Variants in CNTNAP2 observed in about 807,000 individuals in gnomAD.
CNTNAP2 encodes contactin-associated protein-like 2.
Under a neutral mutation model 155.2 loss-of-function variants are expected in CNTNAP2, and 98 were observed. The observed-to-expected ratio is 0.63, with a 90% CI of 0.54 to 0.75. CNTNAP2 has a LOEUF of 0.75. Ranked by LOEUF, CNTNAP2 falls within the 30% of genes least tolerant of loss-of-function variation. CNTNAP2 has a pLI of 0.00. For missense variants in CNTNAP2, 1,727 were observed against 1,688.1 expected, an observed-to-expected ratio of 1.02 and a Z score of -0.40; for synonymous variants, 651 against 631.2, an observed-to-expected ratio of 1.03 and a Z score of -0.47.
chr7:146,214,058 G>A (rs1029452493), intron 1 of CNTNAP2, among the ~76,000 whole-genome samples: 5 of 152,146 alleles, frequency 3.3e-5, no homozygotes, highest in African/African-American at 1.2e-4. Flanking sequence ...TACACCTCAA[G>A]GCTACATTTG....
chr7:146,968,803 T>A (rs1797715960), intron 3 of CNTNAP2, among the ~76,000 whole-genome samples: 1 of 150,690 alleles, frequency 6.6e-6, no homozygotes, highest in East Asian at 1.9e-4. Flanking sequence ...TTTGTGTCTC[T>A]ATTTCCTTCA....
At chr7:147,240,831 G>T (rs533731800) in intron 8 of CNTNAP2, among the ~76,000 whole-genome samples, 1 of 152,224 alleles carries the variant, frequency 6.6e-6, no homozygotes, top group Admixed American at 6.5e-5. Flanking sequence ...GTGTCGAAGG[G>T]CATTATTTCT....
chr7:147,708,437 C>T (rs1485267437), intron 13 of CNTNAP2, among the ~76,000 whole-genome samples: 1 of 152,116 alleles, frequency 6.6e-6, no homozygotes, highest in Admixed American at 6.6e-5. Flanking sequence ...TACCGTTGGA[C>T]CTCCCAGGCA....
rs148124449 is a variant in CNTNAP2, at chr7:148,075,142, T to C, written c.2384-42976T>C. On this transcript the variant is annotated intron_variant, in intron 15 of 23. Transcript: ENST00000361727. ...TATTTGATTACTTGATGTTTCAGTA[T>C]AAAAAAAAATTAGGTCAGGTGTGGT... Among the ~76,000 whole-genome samples, 1,038 of 151,734 alleles carry C rather than the reference T, an allele frequency of 6.8e-3. 6 individuals are homozygous for C. Among genetic ancestry groups the C allele is most frequent in the South Asian group, 0.013 (61 of 4,800 alleles).
chr7:147,516,941 G>C (rs768573187), intron 11 of CNTNAP2, among the ~76,000 whole-genome samples: 2 of 147,446 alleles, frequency 1.4e-5, no homozygotes, highest in Non-Finnish European at 3.0e-5. Context: ...GGCTCACTGC[G>C]ACCACTGCCT....
At chr7:146,897,681 T>C (rs2129212878) in intron 3 of CNTNAP2, among the ~76,000 whole-genome samples, 1 of 152,162 alleles carries the variant, frequency 6.6e-6, no homozygotes, top group South Asian at 2.1e-4. Context: ...CCTTTCTTAG[T>C]ACACATCAGT....
At chr7:147,894,256 T>G (rs868229514) in intron 13 of CNTNAP2, 5 of 152,198 alleles carry the variant, frequency 3.3e-5, no homozygotes, top group Middle Eastern at 3.2e-3. Context: ...AATATGGATT[T>G]TGTAATCAGA....
At chr7:146,843,663 A>C (rs1003300305) in intron 3 of CNTNAP2, among the ~76,000 whole-genome samples, 7 of 151,544 alleles carry the variant, frequency 4.6e-5, no homozygotes, top group Non-Finnish European at 7.4e-5. Flanking sequence ...GTTGACTTCT[A>C]AAAATTCTTG....
At position 146,278,250 on chromosome 7, in the gene CNTNAP2, G is replaced by C. The variant is rs148729856; in HGVS notation, c.97+161277G>C. On this transcript the variant is annotated intron_variant, in intron 1 of 23. Coordinates refer to ENST00000361727, the MANE Select transcript of CNTNAP2 (RefSeq NM_014141.6). The stretch of plus-strand genomic sequence containing the variant: ...TTTGCCCCTTCTGCAGATAGCTGAT[G>C]TAATTTCCTGCATTTCTTCTTCCCA... Among the ~76,000 whole-genome samples the C allele has an allele frequency of 3.5e-3, 530 of 152,294 alleles. 2 individuals are homozygous for C. Among genetic ancestry groups the C allele is most frequent in the African/African-American group, 0.012 (511 of 41,572 alleles).
intron 18 of CNTNAP2, among the ~76,000 whole-genome samples, chr7:148,176,975 C>A (rs1794948785): frequency 6.6e-6 from 1 of 152,164 alleles, no homozygotes; most frequent in Non-Finnish European, 1.5e-5. Context: ...CCAAAACACT[C>A]AAGAATTCTA....
At chr7:148,177,913 C>T (rs1406411277) in intron 18 of CNTNAP2, among the ~76,000 whole-genome samples, 1 of 137,616 alleles carries the variant, frequency 7.3e-6, no homozygotes. Context: ...TTTTTTGCTA[C>T]ATCTAGGTGT....
At chr7:147,858,962 C>T (rs946188010) in intron 13 of CNTNAP2, among the ~76,000 whole-genome samples, 1 of 152,168 alleles carries the variant, frequency 6.6e-6, no homozygotes, top group Admixed American at 6.5e-5. Flanking sequence ...CCCTGGGAAA[C>T]TTCTATATAA....
intron 13 of CNTNAP2, among the ~76,000 whole-genome samples, chr7:147,698,680 C>T (rs1461887142): frequency 3.9e-5 from 6 of 152,210 alleles, no homozygotes; most frequent in Admixed American, 1.3e-4. Context: ...CCCACCTCAG[C>T]CTCCCAGTTA....
chr7:147,997,235 C>T (rs1801819017), intron 15 of CNTNAP2, among the ~76,000 whole-genome samples: 1 of 152,158 alleles, frequency 6.6e-6, no homozygotes, highest in Admixed American at 6.5e-5. Context: ...GTCACGATGC[C>T]TCCGTTCTTG....
intron 1 of CNTNAP2, among the ~76,000 whole-genome samples, chr7:146,390,230 GTAAATATTTGTAAATTTACTTTTAGTAAT>G (rs1022471229): frequency 1.3e-5 from 2 of 151,858 alleles, no homozygotes; most frequent in Non-Finnish European, 2.9e-5. Context: ...ATATTACTTT[GTAAATATTTGTAAATTTACTTTTAGTAAT>G]TAAAAAAGTA....
chr7:146,275,635 A>T (rs1800152053), intron 1 of CNTNAP2, among the ~76,000 whole-genome samples: 1 of 152,192 alleles, frequency 6.6e-6, no homozygotes, highest in Admixed American at 6.5e-5. Flanking sequence ...TTGGCTATAG[A>T]TAAGAAATGT....
At chr7:147,865,570 A>G (rs1799212657) in intron 13 of CNTNAP2, among the ~76,000 whole-genome samples, 1 of 151,450 alleles carries the variant, frequency 6.6e-6, no homozygotes. Flanking sequence ...ACTTTTTTTG[A>G]TTGGTAGGCT....
At chr7:148,048,394 C>T (rs753873338) in intron 15 of CNTNAP2, among the ~76,000 whole-genome samples, 1 of 152,096 alleles carries the variant, frequency 6.6e-6, no homozygotes, top group Non-Finnish European at 1.5e-5. Context: ...CTTCCCCACC[C>T]CAATCACCAC....
At chr7:146,462,243 T>C (rs1271058832) in intron 1 of CNTNAP2, among the ~76,000 whole-genome samples, 1 of 152,244 alleles carries the variant, frequency 6.6e-6, no homozygotes, top group Non-Finnish European at 1.5e-5. Context: ...AAGCATAGCC[T>C]TGTTTTGTTG....
Sources: gnomAD v4.1 joint callset for allele counts (sites outside exome capture counted in the v4.1 genomes callset) on GRCh38, gnomAD v4.1.1 for gene constraint, MANE v1.5 for transcripts, NCBI Gene and HGNC (gene_info 2026-07-23, HGNC 2026-07-21) for gene names.